TBL1X: variants seen among roughly 807,000 people sequenced by gnomAD.
The protein encoded by TBL1X is transducin beta like 1 X-linked.
TBL1X carries 10 observed loss-of-function variants against 50.7 expected under a neutral mutation model. The ratio of observed to expected loss-of-function variants is 0.20; its 90% CI spans 0.12 to 0.33. The LOEUF is 0.33. TBL1X is among the 10% of genes least tolerant of loss of function. TBL1X has a pLI of 1.00. For missense variants in TBL1X, 340 were observed against 504.4 expected (o/e 0.67, Z 3.12); for synonymous variants, 190 against 214.7 (o/e 0.88, Z 1.01).
intron 2 of TBL1X, among the ~76,000 whole-genome samples, chrX:9,574,479 A>G (rs1224915671): frequency 9.4e-6 from 1 of 106,092 alleles, no homozygotes; most frequent in African/African-American, 3.5e-5. Flanking sequence ...AAAAAAAAAA[A>G]AAAAAGTACT....
intron 1 of TBL1X, among the ~76,000 whole-genome samples, chrX:9,492,982 A>T (rs1198125972): frequency 9.2e-6 from 1 of 108,952 alleles, no homozygotes; most frequent in Non-Finnish European, 1.9e-5. Flanking sequence ...CGATTTTGGC[A>T]TTGGCTGGGT....
chrX:9,680,422 T>C (rs1440509712), intron 5 of TBL1X, among the ~76,000 whole-genome samples: 1 of 111,937 alleles, frequency 8.9e-6, no homozygotes, highest in Non-Finnish European at 1.9e-5. Flanking sequence ...GTCCCATCTA[T>C]GTGTCTCATC....
chrX:9,687,435 T>C (rs2083066443), intron 6 of TBL1X, among the ~76,000 whole-genome samples: 1 of 111,631 alleles, frequency 9.0e-6, no homozygotes. Context: ...ATATAATGGA[T>C]GGTCATTTGC....
chrX:9,608,659 A>T (rs1197710834), intron 2 of TBL1X, among the ~76,000 whole-genome samples: 1 of 112,656 alleles, frequency 8.9e-6, no homozygotes, highest in Non-Finnish European at 1.9e-5. Flanking sequence ...TTAAGTCTCT[A>T]AAAAAGCAGT....
intron 2 of TBL1X, among the ~76,000 whole-genome samples, chrX:9,547,678 T>TC (rs2082251734): frequency 9.1e-6 from 1 of 109,744 alleles, no homozygotes; most frequent in Admixed American, 9.9e-5. Context: ...CAGTGGAAAT[T>TC]CCCTGCCCCT....
chrX:9,709,545 C>T (rs1370889715), intron 14 of TBL1X, 88 bp from the exon 15 acceptor site: 6 of 1,159,011 alleles, frequency 5.2e-6, no homozygotes, highest in Non-Finnish European at 7.0e-6. Context: ...GCCCTGGGCC[C>T]CGTGTGCACC....
intron 1 of TBL1X, among the ~76,000 whole-genome samples, chrX:9,471,745 TCA>T (rs951017688): frequency 9.0e-6 from 1 of 111,608 alleles, no homozygotes; most frequent in Admixed American, 9.5e-5. Context: ...ACGGCAAAAC[TCA>T]CAGTGTTTAT....
chrX:9,555,305 C>T (rs1037273416), intron 2 of TBL1X, among the ~76,000 whole-genome samples: 9 of 111,232 alleles, frequency 8.1e-5, no homozygotes, highest in Non-Finnish European at 1.3e-4. Context: ...TTTTGAATTC[C>T]TGGGCTCAAG....
chrX:9,590,373 T>A (rs867546810), intron 2 of TBL1X, among the ~76,000 whole-genome samples: 36 of 109,338 alleles, frequency 3.3e-4, no homozygotes, highest in East Asian at 5.8e-4. Flanking sequence ...TTTTTTTTTT[T>A]AAAAAAGTCA....
At chrX:9,597,812 C>G (rs899012428) in intron 2 of TBL1X, among the ~76,000 whole-genome samples, 3 of 111,696 alleles carry the variant, frequency 2.7e-5, no homozygotes, top group Non-Finnish European at 5.6e-5. Context: ...GCCTGTAACC[C>G]CAGCTCCAGT....
chrX:9,635,524 G>A (rs1325424989), intron 2 of TBL1X, among the ~76,000 whole-genome samples: 1 of 111,851 alleles, frequency 8.9e-6, no homozygotes, highest in Admixed American at 9.5e-5. Flanking sequence ...GGAATGCTCA[G>A]TCTGCAGTGG....
At chrX:9,670,020 C>T (rs754101803) in intron 5 of TBL1X, among the ~76,000 whole-genome samples, 1 of 111,613 alleles carries the variant, frequency 9.0e-6, no homozygotes, top group African/African-American at 3.3e-5. Flanking sequence ...AATAGTCCTT[C>T]CCCCAAACTA....
intron 5 of TBL1X, among the ~76,000 whole-genome samples, chrX:9,676,714 T>G (rs1306105820): frequency 1.8e-5 from 2 of 112,136 alleles, no homozygotes; most frequent in African/African-American, 6.5e-5. Context: ...TTGTTGGAGG[T>G]TAGGATGGGA....
intron 2 of TBL1X, among the ~76,000 whole-genome samples, chrX:9,629,951 A>T: frequency 1.8e-5 from 2 of 110,363 alleles, no homozygotes; most frequent in Non-Finnish European, 3.8e-5. Context: ...CATGTCTACT[A>T]CCCCCGTCCA....
chrX:9,570,672 C>G (rs866636957), intron 2 of TBL1X, among the ~76,000 whole-genome samples: 3 of 78,049 alleles, frequency 3.8e-5, no homozygotes, highest in South Asian at 7.9e-4. Flanking sequence ...TTTTTTTTTT[C>G]TTTTTGTTTT....
intron 2 of TBL1X, among the ~76,000 whole-genome samples, chrX:9,544,954 G>GAATAACTTAGTGA: frequency 9.2e-6 from 1 of 109,060 alleles, no homozygotes; most frequent in Non-Finnish European, 1.9e-5. Flanking sequence ...TGAGGCAGTG[G>GAATAACTTAGTGA]AATAACTTAG....
intron 2 of TBL1X, among the ~76,000 whole-genome samples, chrX:9,519,780 C>T (rs1442355016): frequency 1.8e-5 from 2 of 111,558 alleles, no homozygotes; most frequent in Non-Finnish European, 3.8e-5. Flanking sequence ...GGGAGAGTGG[C>T]AAGGAGAGGG....
intron 2 of TBL1X, among the ~76,000 whole-genome samples, chrX:9,532,311 T>C (rs1453372523): frequency 1.8e-5 from 2 of 110,984 alleles, no homozygotes; most frequent in African/African-American, 6.6e-5. Context: ...AAGGGAGGGG[T>C]GAGGGAGGGT....
intron 2 of TBL1X, among the ~76,000 whole-genome samples, chrX:9,582,353 A>G (rs2082447114): frequency 8.9e-6 from 1 of 112,426 alleles, no homozygotes; most frequent in African/African-American, 3.2e-5. Flanking sequence ...TGGGAATCTG[A>G]TTCCATAGAA....
Sources: gnomAD v4.1 joint callset for allele counts (sites outside exome capture counted in the v4.1 genomes callset) on GRCh38, gnomAD v4.1.1 for gene constraint, MANE v1.5 for transcripts, NCBI Gene and HGNC (gene_info 2026-07-23, HGNC 2026-07-21) for gene names.